WDFY4: variants seen among roughly 807,000 people sequenced by gnomAD.
WDFY4 encodes WD repeat- and FYVE domain-containing protein 4.
Under a neutral mutation model 351.9 loss-of-function variants are expected in WDFY4, and 169 were observed. That is an observed-to-expected ratio of 0.48 (90% confidence interval 0.42 to 0.55). WDFY4 has a LOEUF of 0.55. Among genes scored for constraint, WDFY4 ranks in the 20% least tolerant of loss-of-function variants. The pLI is 0.00. For missense variants in WDFY4, 3,803 were observed against 3,935.6 expected (o/e 0.97, Z 0.90); for synonymous variants, 1,622 against 1,574.6 (o/e 1.03, Z -0.71).
chr10:48,708,797 T>G (rs1329049195), intron 1 of WDFY4, among the ~76,000 whole-genome samples: 3 of 152,188 alleles, frequency 2.0e-5, no homozygotes, highest in Non-Finnish European at 4.4e-5. Context: ...TAAAGGGTCA[T>G]TTTGAGAATA....
At chr10:48,766,969 A>G (rs749075375) in intron 13 of WDFY4, among the ~76,000 whole-genome samples, 1 of 152,220 alleles carries the variant, frequency 6.6e-6, no homozygotes, top group Non-Finnish European at 1.5e-5. Flanking sequence ...ACATTTAATT[A>G]AGGAGACATG....
intron 43 of WDFY4, 127 bp from the exon 44 acceptor site, chr10:48,890,452 T>G: frequency 8.7e-7 from 1 of 1,155,510 alleles, no homozygotes; most frequent in Non-Finnish European, 1.2e-6. Context: ...GGGACTGCCA[T>G]TCATACAAGG....
intron 35 of WDFY4, chr10:48,823,251 C>A (rs1210880788): frequency 2.3e-6 from 3 of 1,300,932 alleles, no homozygotes; most frequent in Non-Finnish European, 2.0e-6. Context: ...CAAACCCTCC[C>A]TGTGATGGGG....
chr10:48,910,126 T>A, intron 47 of WDFY4: 1 of 1,058,856 alleles, frequency 9.4e-7, no homozygotes. Context: ...GCGAGCCTGG[T>A]TTCCAGAACA....
chr10:48,698,872 CAGAATT>C (rs2063402048), intron 1 of WDFY4, among the ~76,000 whole-genome samples: 1 of 152,202 alleles, frequency 6.6e-6, no homozygotes, highest in Admixed American at 6.5e-5. Flanking sequence ...TACTGGTTCA[CAGAATT>C]GTGGCGGCTG....
chr10:48,769,978 G>T (rs918372504), intron 13 of WDFY4, among the ~76,000 whole-genome samples: 5 of 152,166 alleles, frequency 3.3e-5, no homozygotes, highest in Non-Finnish European at 7.3e-5. Flanking sequence ...CCTCCATCCC[G>T]TCTCCTGCGT....
intron 4 of WDFY4, among the ~76,000 whole-genome samples, chr10:48,722,803 G>T (rs763621843): frequency 1.3e-5 from 2 of 152,264 alleles, no homozygotes; most frequent in African/African-American, 2.4e-5. Context: ...ACCCCAGGAA[G>T]CTCCTGGCAG....
Position 48,731,576 on chromosome 10 carries a change from C to T in WDFY4, c.1582+14C>T. On this transcript the variant is annotated intron_variant, in intron 9 of 61. Coordinates refer to ENST00000325239, the MANE Select transcript of WDFY4 (RefSeq NM_001394531.1). Reference sequence around the variant, plus strand: ...TGAGGAAGTCAGGTGCCACTGGGTGCATTGGGAGGGATGGGCAGGGGTCAG... The same window carrying T: ...TGAGGAAGTCAGGTGCCACTGGGTGTATTGGGAGGGATGGGCAGGGGTCAG... 1.3e-6 allele frequency: 2 copies of T among 1,545,492 alleles called. No individual in the cohort carries two copies. Among genetic ancestry groups the T allele is most frequent in the East Asian group, 2.4e-5 (1 of 40,868 alleles).
Position 48,840,226 on chromosome 10 carries a change from T to C in WDFY4, c.6663+7517T>C, listed in dbSNP as rs549565436. ...CAGTCTTGCAGGCAGCCGTGCTTCC[T>C]ACGCCACACCCAGAATGACCTTCCC... On this transcript the variant is annotated intron_variant, in intron 39 of 61. Transcript: ENST00000325239. Among the ~76,000 whole-genome samples, 96 of 152,318 alleles carry C rather than the reference T, an allele frequency of 6.3e-4. 1 individual carries two copies. Among genetic ancestry groups the C allele is most frequent in the African/African-American group, 2.3e-3 (94 of 41,584 alleles).
chr10:48,736,311 C>A, intron 11 of WDFY4: 1 of 610,482 alleles, frequency 1.6e-6, no homozygotes, highest in East Asian at 2.7e-5. Flanking sequence ...CATTAAGGAA[C>A]TACCATCACC....
At chr10:48,949,296 T>G (rs1373296312) in intron 51 of WDFY4, among the ~76,000 whole-genome samples, 1 of 152,218 alleles carries the variant, frequency 6.6e-6, no homozygotes, top group Non-Finnish European at 1.5e-5. Flanking sequence ...CCCGAGCCTT[T>G]GAACCAGCAA....
chr10:48,731,581 G>T lies in WDFY4; in HGVS notation c.1582+19G>T. ...AAGTCAGGTGCCACTGGGTGCATTG[G>T]GAGGGATGGGCAGGGGTCAGTGTCA... On this transcript the variant is annotated intron_variant, in intron 9 of 61. Transcript: ENST00000325239. 1 of 1,543,590 alleles carries T rather than the reference G, an allele frequency of 6.5e-7. No individual in the cohort carries two copies. The highest frequency in any genetic ancestry group is 8.7e-7 in the Non-Finnish European group (1 of 1,144,304).
At position 48,830,769 on chromosome 10, in the gene WDFY4, T is replaced by C. The variant is rs2068162075; in HGVS notation, c.6410T>C (p.Leu2137Pro). ...CTGGTGGCACAAAGGCAGCAGACCC[T>C]GGAGGATGCCTTCAAGATCGATCTC... Reference protein sequence around the residue: ...QQLVAQRQQTLEDAFKIDLSV... With the variant: ...QQLVAQRQQTPEDAFKIDLSV... Residue 2137 changes from leucine to proline, a missense_variant, in exon 38 of 62, where the codon CTG (leucine) becomes CCG (proline). Coordinates refer to ENST00000325239, the MANE Select transcript of WDFY4 (RefSeq NM_001394531.1). 3.9e-6 allele frequency: 6 copies of C among 1,551,676 alleles called. No homozygotes were observed. Among genetic ancestry groups the C allele is most frequent in the Non-Finnish European group, 5.2e-6 (6 of 1,146,954 alleles).
chr10:48,876,331 C>T (rs958129811), intron 42 of WDFY4, among the ~76,000 whole-genome samples: 1 of 152,150 alleles, frequency 6.6e-6, no homozygotes, highest in Non-Finnish European at 1.5e-5. Flanking sequence ...AAAACCAGAC[C>T]CTTATCCCAG....
At chr10:48,875,519 A>G (rs1020203638) in intron 42 of WDFY4, among the ~76,000 whole-genome samples, 1 of 152,188 alleles carries the variant, frequency 6.6e-6, no homozygotes, top group Admixed American at 6.5e-5. Context: ...GGCTCACACA[A>G]TCCTCCTGCC....
intron 32 of WDFY4, among the ~76,000 whole-genome samples, chr10:48,818,372 A>G (rs1372019083): frequency 6.6e-6 from 1 of 152,216 alleles, no homozygotes; most frequent in African/African-American, 2.4e-5. Context: ...CTCTTAGCTA[A>G]TCTTTTCCAG....
At chr10:48,811,816 C>T in intron 30 of WDFY4, 108 bp downstream of exon 30, 1 of 1,201,012 alleles carries the variant, frequency 8.3e-7, no homozygotes, top group Non-Finnish European at 1.2e-6. Flanking sequence ...CTTCTTCCAG[C>T]TCAGATGGGG....
intron 12 of WDFY4, among the ~76,000 whole-genome samples, chr10:48,748,195 C>A (rs2065070541): frequency 6.6e-6 from 1 of 152,100 alleles, no homozygotes; most frequent in Non-Finnish European, 1.5e-5. Context: ...GAGTATTTGT[C>A]AGTATGAAAA....
At chr10:48,962,778 A>G (rs1348768935) in intron 53 of WDFY4, among the ~76,000 whole-genome samples, 1 of 152,142 alleles carries the variant, frequency 6.6e-6, no homozygotes, top group African/African-American at 2.4e-5. Context: ...TCCATGTTTG[A>G]GTTGAGAATG....
Sources: gnomAD v4.1 joint callset for allele counts (sites outside exome capture counted in the v4.1 genomes callset) on GRCh38, gnomAD v4.1.1 for gene constraint, MANE v1.5 for transcripts, NCBI Gene and HGNC (gene_info 2026-07-23, HGNC 2026-07-21) for gene names.